NFU1: variants seen among roughly 807,000 people sequenced by gnomAD.
NFU1 encodes NFU1 iron-sulfur cluster scaffold homolog, mitochondrial.
Under a neutral mutation model 32.2 loss-of-function variants are expected in NFU1, and 30 were observed. The ratio of observed to expected loss-of-function variants is 0.93; its 90% CI spans 0.70 to 1.26. NFU1 has a LOEUF of 1.26. NFU1 is among the 50% of genes most tolerant of loss of function. The pLI, the probability that NFU1 is intolerant of heterozygous loss-of-function variation, is 0.00. For synonymous variants in NFU1, 112 were observed against 104.6 expected (o/e 1.07, Z -0.43); for missense variants, 306 against 306.6 (o/e 1.00, Z 0.02).
At chr2:69,414,905 T>G (rs917307164) in intron 5 of NFU1, among the ~76,000 whole-genome samples, 2 of 152,124 alleles carry the variant, frequency 1.3e-5, no homozygotes, top group Admixed American at 6.6e-5. Flanking sequence ...AAAAGCCCAT[T>G]CTGTAACTTA....
chr2:69,438,100 C>G (rs1673919943), upstream of NFU1, among the ~76,000 whole-genome samples: 1 of 152,094 alleles, frequency 6.6e-6, no homozygotes, highest in African/African-American at 2.4e-5. Flanking sequence ...TCTAGGACAA[C>G]GGTTCTCAAA....
At chr2:69,426,702 C>A (rs963892274) in intron 2 of NFU1, among the ~76,000 whole-genome samples, 3 of 152,164 alleles carry the variant, frequency 2.0e-5, no homozygotes, top group Non-Finnish European at 4.4e-5. Context: ...ATGACAACAG[C>A]TTGCAGGACG....
chr2:69,406,709 C>A (rs777325585), intron 5 of NFU1, among the ~76,000 whole-genome samples: 1 of 152,022 alleles, frequency 6.6e-6, no homozygotes, highest in Non-Finnish European at 1.5e-5. Context: ...TAGTTTGGGA[C>A]CACAGGTGTG....
intron 4 of NFU1, among the ~76,000 whole-genome samples, chr2:69,418,131 G>A (rs899486083): frequency 6.6e-6 from 1 of 152,146 alleles, no homozygotes; most frequent in Non-Finnish European, 1.5e-5. Flanking sequence ...TGGACGTGGT[G>A]GTTCACACCG....
chr2:69,399,516 G>A (rs1403705851), intron 7 of NFU1: 3 of 294,048 alleles, frequency 1.0e-5, no homozygotes, highest in African/African-American at 6.8e-5. Context: ...ACATAGATTA[G>A]GCCAGTTGTG....
intron 7 of NFU1, among the ~76,000 whole-genome samples, chr2:69,398,180 AG>A (rs989701665): frequency 6.5e-4 from 99 of 152,314 alleles, no homozygotes; most frequent in African/African-American, 2.2e-3. Flanking sequence ...TAAGGCACAC[AG>A]CTAGTTGTTG....
rs570833932 is a variant in NFU1 at position 69,413,651 on chromosome 2, C to T, written c.484+1534G>A. On this transcript the variant is annotated intron_variant, in intron 5 of 7. Coordinates refer to ENST00000410022, the MANE Select transcript of NFU1 (RefSeq NM_001002755.4). ...GTGCATGCCTGTAATCCCAGCCACTCGGGAGGCTGAGGTAGAAGGATCGCT... is the reference window on the plus strand; with the variant it reads ...GTGCATGCCTGTAATCCCAGCCACTTGGGAGGCTGAGGTAGAAGGATCGCT... 2.6e-5 allele frequency among the ~76,000 whole-genome samples: 4 copies of T among 152,044 alleles called. No individual in the cohort carries two copies. The South Asian group carries it at 6.2e-4, about 24-fold the overall frequency.
At chr2:69,433,480 C>T (rs1339973443) in intron 1 of NFU1, among the ~76,000 whole-genome samples, 1 of 151,080 alleles carries the variant, frequency 6.6e-6, no homozygotes, top group Non-Finnish European at 1.5e-5. Flanking sequence ...ACACCTGGCC[C>T]GTCTTTTTTT....
chr2:69,421,992 A>G (rs1673262278), intron 3 of NFU1, among the ~76,000 whole-genome samples: 1 of 152,116 alleles, frequency 6.6e-6, no homozygotes. Context: ...TTTCCTATAC[A>G]TATATACCTA....
At position 69,423,802 on chromosome 2, in the gene NFU1, CAGA is replaced by C. The variant is rs1219139759; in HGVS notation, c.167-88_167-86del. 10 of 1,017,090 alleles carry C rather than the reference CAGA, an allele frequency of 9.8e-6. No homozygotes were observed. In the East Asian group the frequency reaches 1.3e-4, roughly 13 times the overall value. 63.0% of individuals were successfully genotyped at this position (1,017,090 alleles called of 1,614,324 possible). A position where few individuals can be genotyped will look rare whatever the true frequency, so the allele number is the denominator to read the frequency against. The stretch of plus-strand genomic sequence containing the variant: ...TATGAAGTGCTCATTTGCAGAGAAT[CAGA>C]AGAAGTAAGAAAAACTGGGGAAAAA... On this transcript the variant is annotated intron_variant, in intron 2 of 7. Coordinates refer to ENST00000410022, the MANE Select transcript of NFU1 (RefSeq NM_001002755.4).
intron 4 of NFU1, among the ~76,000 whole-genome samples, 166 bp from the exon 5 acceptor site, chr2:69,415,465 C>T (rs1287946876): frequency 1.3e-5 from 2 of 151,698 alleles, no homozygotes; most frequent in African/African-American, 4.8e-5. Flanking sequence ...CTGCAACCTC[C>T]GCCTCCTGGG....
intron 6 of NFU1, among the ~76,000 whole-genome samples, chr2:69,404,103 G>A (rs1672614452): frequency 6.6e-6 from 1 of 151,290 alleles, no homozygotes; most frequent in African/African-American, 2.4e-5. Flanking sequence ...CTCCCAAAGT[G>A]CTGGGATTAC....
chr2:69,399,404 A>C, intron 7 of NFU1: 1 of 455,780 alleles, frequency 2.2e-6, no homozygotes, highest in Middle Eastern at 3.3e-4. Flanking sequence ...TGGCAAAAAA[A>C]AAAATGTTGA....
chr2:69,401,037 C>T (rs1339668646), intron 6 of NFU1, among the ~76,000 whole-genome samples: 1 of 152,156 alleles, frequency 6.6e-6, no homozygotes, highest in Non-Finnish European at 1.5e-5. Flanking sequence ...CTAAAATATA[C>T]TCAGTCACTT....
chr2:69,409,048 G>A (rs1231245753), intron 5 of NFU1, among the ~76,000 whole-genome samples: 1 of 151,542 alleles, frequency 6.6e-6, no homozygotes, highest in Non-Finnish European at 1.5e-5. Context: ...CACCATGTTG[G>A]CCAGGCCGTT....
intron 1 of NFU1, among the ~76,000 whole-genome samples, chr2:69,437,084 C>T (rs1044598064): frequency 6.6e-6 from 1 of 152,232 alleles, no homozygotes; most frequent in Non-Finnish European, 1.5e-5. Flanking sequence ...GGCTCTACAG[C>T]CAGTCTCTAC....
At chr2:69,412,584 A>C (rs538885738) in intron 5 of NFU1, among the ~76,000 whole-genome samples, 1 of 151,976 alleles carries the variant, frequency 6.6e-6, no homozygotes, top group East Asian at 1.9e-4. Flanking sequence ...ATGGGGTTTC[A>C]CCATGTTGGT....
chr2:69,437,593 G>A (rs1415091310), upstream of NFU1: 1 of 790,196 alleles, frequency 1.3e-6, no homozygotes, highest in African/African-American at 1.7e-5. Flanking sequence ...AGGCTACTGC[G>A]TCACCCTGAC....
chr2:69,439,534 T>C (rs1272766816), upstream of NFU1, among the ~76,000 whole-genome samples: 3 of 152,292 alleles, frequency 2.0e-5, no homozygotes, highest in South Asian at 4.1e-4. Flanking sequence ...GAACAAAGCT[T>C]TCATAACATG....
Sources: gnomAD v4.1 joint callset for allele counts (sites outside exome capture counted in the v4.1 genomes callset) on GRCh38, gnomAD v4.1.1 for gene constraint, MANE v1.5 for transcripts, NCBI Gene and HGNC (gene_info 2026-07-23, HGNC 2026-07-21) for gene names.